Variants in ARMC6 observed in about 807,000 individuals in gnomAD.
ARMC6 encodes armadillo repeat-containing protein 6.
A neutral mutation model predicts 49.2 loss-of-function variants in ARMC6; 43 were observed. That is an observed-to-expected ratio of 0.87 (90% CI 0.69 to 1.13). ARMC6 has a LOEUF of 1.13. Among genes scored for constraint, ARMC6 ranks in the 50% most tolerant of loss-of-function variants. ARMC6 has a pLI of 0.00. For synonymous variants in ARMC6, 262 were observed against 289.6 expected, an observed-to-expected ratio of 0.90 and a Z score of 0.97; for missense variants, 627 against 682.0, an observed-to-expected ratio of 0.92 and a Z score of 0.90.
chr19:19,052,253 A>G (rs1235150587), intron 5 of ARMC6, 58 bp downstream of exon 5: 2 of 1,466,172 alleles, frequency 1.4e-6, no homozygotes, highest in African/African-American at 2.8e-5. Context: ...AGATGTGACC[A>G]GAGTGAGGGT....
chr19:19,052,915 CAA>C (rs954797961), intron 5 of ARMC6, among the ~76,000 whole-genome samples: 2 of 152,222 alleles, frequency 1.3e-5, no homozygotes, highest in African/African-American at 4.8e-5. Flanking sequence ...CGACCTTCTG[CAA>C]AGTCAGGCTG....
At chr19:19,050,096 G>A (rs549593735) in intron 4 of ARMC6, among the ~76,000 whole-genome samples, 4 of 152,280 alleles carry the variant, frequency 2.6e-5, no homozygotes, top group South Asian at 4.1e-4. Flanking sequence ...TTCACTTAGC[G>A]TAATGTCCTC....
rs201085945 is a variant in ARMC6 at position 19,042,881 on chromosome 19, G to T, written c.196+4G>T. 44 of 1,613,540 alleles carry T rather than the reference G, an allele frequency of 2.7e-5. No homozygotes were observed. In the African/African-American group the frequency reaches 5.3e-4, roughly 20 times the overall value. On this transcript the variant is annotated splice_donor_region_variant and intron_variant, in intron 3 of 8. Coordinates refer to ENST00000535612, the MANE Select transcript of ARMC6 (RefSeq NM_001199196.2). The stretch of plus-strand genomic sequence containing the variant: ...GTGGAGCAGTTTGAATCGCAAGGTA[G>T]GGTGGTGTGACTGTCACCTACCATC...
intron 2 of ARMC6, among the ~76,000 whole-genome samples, chr19:19,038,028 T>C (rs1018488802): frequency 6.6e-6 from 1 of 152,214 alleles, no homozygotes; most frequent in African/African-American, 2.4e-5. Context: ...CTCTACCTCC[T>C]GTCAGATCAG....
Position 19,057,546 on chromosome 19 carries a change from C to A in ARMC6, c.1424C>A (p.Ala475Asp). 6.2e-7 allele frequency: 1 copy of A among 1,613,812 alleles called. No individual in the cohort carries two copies. The highest frequency in any genetic ancestry group is 8.5e-7 in the Non-Finnish European group (1 of 1,179,986). ...RSAHRDCEDV[A>D]KAALRDLGCH... ...GCCCACCGTGACTGTGAGGACGTGG[C>A]CAAGGCCGCCCTGCGGGACCTGGGT... is the stretch of plus-strand genomic sequence containing the variant. Residue 475 changes from alanine (A) to aspartate (D), a missense_variant, in exon 9 of 9, where the codon GCC becomes GAC. Physicochemically the swap from Ala to Asp is moderately radical, Grantham distance 126. Transcript: ENST00000535612.
In ARMC6 at chr19:19,055,766, G is replaced by A. The variant is rs368510729; in HGVS notation, c.1156-25G>A. ...TGGGGGGTCTATCTGCTGCATCTCAGCCTTTCTGTGACTGGCCCCTGCAGG... is the reference window on the plus strand; with the variant it reads ...TGGGGGGTCTATCTGCTGCATCTCAACCTTTCTGTGACTGGCCCCTGCAGG... On this transcript the variant is annotated intron_variant, in intron 7 of 8. Transcript: ENST00000535612. This position sits in a 1 kb window ranked among gnomAD's most constrained non-coding sequence, Gnocchi z 5.7. 2.7e-5 allele frequency: 41 copies of A among 1,542,056 alleles called. No individual in the cohort carries two copies. Among genetic ancestry groups the A allele is most frequent in the Admixed American group, 1.4e-4 (8 of 55,452 alleles).
At chr19:19,056,069 C>T in intron 8 of ARMC6, 141 bp downstream of exon 8, 4 of 1,007,944 alleles carry the variant, frequency 4.0e-6, no homozygotes, top group Non-Finnish European at 5.3e-6. Context: ...GTCCCTGTCC[C>T]TCCCACAGCC....
intron 8 of ARMC6, among the ~76,000 whole-genome samples, chr19:19,056,594 T>C (rs1324607106): frequency 7.2e-5 from 11 of 152,240 alleles, no homozygotes; most frequent in Admixed American, 6.5e-4. Context: ...TAGAGAGATC[T>C]GGGGAGAAAG....
intron 2 of ARMC6, among the ~76,000 whole-genome samples, chr19:19,038,898 T>TACACACACACACAC (rs35676976): frequency 6.8e-5 from 10 of 147,210 alleles, no homozygotes; most frequent in Non-Finnish European, 1.2e-4. Context: ...TTTGTGTGTA[T>TACACACACACACAC]ACACACACAC....
In ARMC6 at chr19:19,052,186, G is replaced by A. The variant is rs1447805312; in HGVS notation, c.844G>A (p.Ala282Thr). Residue 282 changes from alanine to threonine, a missense_variant, in exon 5 of 9, where the codon GCC (alanine) becomes ACC (threonine). By Grantham distance (58) the Ala-to-Thr change is moderately conservative. Coordinates refer to ENST00000535612, the MANE Select transcript of ARMC6 (RefSeq NM_001199196.2). Reference protein sequence around the residue: ...ENKGLKVLIEATKAFLDNPGI... With the variant: ...ENKGLKVLIETTKAFLDNPGI... ...CAAAGGCTTGAAGGTGCTCATCGAA[G>A]CCACCAAAGGTAAGAGCTGGGGGCC... 1.9e-6 allele frequency: 3 copies of A among 1,596,806 alleles called. No individual in the cohort carries two copies. Among genetic ancestry groups the A allele is most frequent in the African/African-American group, 1.3e-5 (1 of 74,740 alleles).
At chr19:19,046,412 T>C (rs2059450864) in intron 4 of ARMC6, among the ~76,000 whole-genome samples, 1 of 152,050 alleles carries the variant, frequency 6.6e-6, no homozygotes, top group South Asian at 2.1e-4. Context: ...TTAGCCAGGA[T>C]GATCTCGATC....
At chr19:19,039,272 C>CCA (rs1249852046) in intron 2 of ARMC6, 1 of 397,316 alleles carries the variant, frequency 2.5e-6, no homozygotes, top group African/African-American at 2.1e-5. Context: ...GTAACTTCAA[C>CCA]CACACGCAAA....
At chr19:19,042,528 G>C (rs1334032862) in intron 2 of ARMC6, among the ~76,000 whole-genome samples, 183 bp from the exon 3 acceptor site, 1 of 152,176 alleles carries the variant, frequency 6.6e-6, no homozygotes, top group East Asian at 1.9e-4. Flanking sequence ...TGTATTTGCA[G>C]AAGTTCTAGG....
Position 19,042,797 on chromosome 19 carries a change from C to T in ARMC6, c.116C>T (p.Ala39Val), listed in dbSNP as rs1358852298. 6.2e-6 allele frequency: 10 copies of T among 1,614,048 alleles called. No individual in the cohort carries two copies. The highest frequency in any genetic ancestry group is 8.5e-6 in the Non-Finnish European group (10 of 1,180,056). ...ATTGCCCAGGAGACCTTTGATGCAG[C>T]TGTGCGCGAGAACATCGAGGAGTTT... ...KRIAQETFDA[A>V]VRENIEEFAM... The change falls in exon 3 of 9, where the codon GCT becomes GTT. Residue 39 changes from alanine to valine, a missense_variant. Physicochemically the swap from Ala to Val is moderately conservative, Grantham distance 64 (BLOSUM62 0). Transcript: ENST00000535612.
intron 4 of ARMC6, among the ~76,000 whole-genome samples, chr19:19,047,932 C>G (rs1469402890): frequency 6.6e-6 from 1 of 152,150 alleles, no homozygotes; most frequent in African/African-American, 2.4e-5. Context: ...TTTTTCTGGC[C>G]AGGTGCTGTG....
intron 4 of ARMC6, among the ~76,000 whole-genome samples, chr19:19,045,975 G>A (rs2059447095): frequency 1.3e-5 from 2 of 151,910 alleles, no homozygotes; most frequent in African/African-American, 2.4e-5. Context: ...CTTAAAATAT[G>A]TTCTCTTAAT....
chr19:19,042,837 G>A lies in ARMC6; in HGVS notation c.156G>A (p.Glu52=), dbSNP rs540867600. 2 of 1,614,026 alleles carry A rather than the reference G, an allele frequency of 1.2e-6. No individual in the cohort carries two copies. Among genetic ancestry groups the A allele is most frequent in the African/African-American group, 2.7e-5 (2 of 75,074 alleles). Residue 52 remains glutamate, a synonymous_variant, in exon 3 of 9, where the codon GAG becomes GAA. Transcript: ENST00000535612. ...TCGAGGAGTTTGCGATGGGGCCAGA[G>A]GAGGCAGTGAAAGAGGCCGTGGAGC... ...ENIEEFAMGP[E]EAVKEAVEQF...
intron 5 of ARMC6, 84 bp downstream of exon 5, chr19:19,052,279 C>A: frequency 1.5e-6 from 2 of 1,308,510 alleles, no homozygotes; most frequent in Non-Finnish European, 2.1e-6. Context: ...CTCAGGACTG[C>A]TTTAGGCACG....
rs1167274849 is a variant in ARMC6 at position 19,033,713 on chromosome 19, G to A, written c.-297G>A. ...CGACCACCGTGAGCGTCCCGGAAGGGGCGGCAAAGACGCCTCCGTCGCGCA... is the reference window on the plus strand; with the variant it reads ...CGACCACCGTGAGCGTCCCGGAAGGAGCGGCAAAGACGCCTCCGTCGCGCA... On this transcript the variant is annotated 5_prime_UTR_variant, in exon 1 of 9. Transcript: ENST00000535612. The A allele has an allele frequency of 3.7e-6, 1 of 272,484 alleles. No individual in the cohort carries two copies. The allele number at this position is 272,484 out of a possible 1,614,324, so 16.9% of individuals were successfully genotyped here. A position where few individuals can be genotyped will look rare whatever the true frequency, so the allele number is the denominator to read the frequency against.
Sources: gnomAD v4.1 joint callset for allele counts (sites outside exome capture counted in the v4.1 genomes callset) on GRCh38, gnomAD v4.1.1 for gene constraint, Gnocchi (gnomAD v3.1) non-coding constraint, MANE v1.5 for transcripts, NCBI Gene and HGNC (gene_info 2026-07-23, HGNC 2026-07-21) for gene names.